The following ZBTB11 variants were observed in gnomAD, a reference collection of about 807,000 sequenced individuals.
ZBTB11 encodes zinc finger and BTB domain-containing protein 11.
A neutral mutation model predicts 113.1 loss-of-function variants in ZBTB11; 68 were observed. The ratio of observed to expected loss-of-function variants is 0.60; its 90% CI spans 0.49 to 0.74. ZBTB11 has a LOEUF of 0.74. ZBTB11 is among the 30% of genes least tolerant of loss of function. ZBTB11 has a pLI of 0.00. For missense variants in ZBTB11, 1,104 were observed against 1,279.4 expected, an observed-to-expected ratio of 0.86 and a Z score of 2.09; for synonymous variants, 518 against 452.6, an observed-to-expected ratio of 1.14 and a Z score of -1.83.
chr3:101,662,654 G>A (rs938297395), intron 5 of ZBTB11, among the ~76,000 whole-genome samples: 2 of 152,024 alleles, frequency 1.3e-5, no homozygotes, highest in African/African-American at 4.8e-5. Context: ...ACAGTACATG[G>A]TTGTTTTGTA....
At chr3:101,657,658 TAATAAAAAGGAACAAAAAAGAGAAA>T (rs1371725219) in intron 6 of ZBTB11, among the ~76,000 whole-genome samples, 75 of 151,682 alleles carry the variant, frequency 4.9e-4, no homozygotes, top group Non-Finnish European at 4.3e-4. Context: ...TCTTCTAAAA[TAATAAAAAGGAACAAAAAAGAGAAA>T]TATAAAAAAC....
intron 5 of ZBTB11, chr3:101,662,144 A>T (rs1340914705): frequency 6.6e-6 from 1 of 152,062 alleles, no homozygotes; most frequent in Non-Finnish European, 1.5e-5. Context: ...GTCAATTGAG[A>T]TAACTAACTT....
At position 101,654,818 on chromosome 3, in the gene ZBTB11, TCTC is replaced by T. The variant is rs1936767459; in HGVS notation, c.2192_2194del (p.Gly731del). The stretch of plus-strand genomic sequence containing the variant: ...ACAAACTGAGCAAAGGTACTTGGAC[TCTC>T]CTATTAGAAAAAATTAAAACCCTGT... On this transcript the variant is annotated inframe_deletion and splice_region_variant, in exon 8 of 11. Coordinates refer to ENST00000312938, the MANE Select transcript of ZBTB11 (RefSeq NM_014415.4). 1 of 1,612,524 alleles carries T rather than the reference TCTC, an allele frequency of 6.2e-7. No individual in the cohort carries two copies. Among genetic ancestry groups the T allele is most frequent in the Non-Finnish European group, 8.5e-7 (1 of 1,179,272 alleles).
At chr3:101,676,355 G>A (rs1298402272) in intron 1 of ZBTB11, 4 of 381,106 alleles carry the variant, frequency 1.0e-5, no homozygotes. Context: ...CCCGCGGCTG[G>A]CCCGGCCTCC....
At chr3:101,651,770 A>G (rs1936707594) in intron 10 of ZBTB11, 87 bp from the exon 11 acceptor site, 2 of 1,345,316 alleles carry the variant, frequency 1.5e-6, no homozygotes, top group Non-Finnish European at 2.0e-6. Context: ...TTTTATTAAA[A>G]AGTACAGTAG....
rs200039938 is a variant in ZBTB11, at chr3:101,652,754, T to G, written c.2468+26A>C. ...CAGAGTACACACGTTATCAATTAAG[T>G]TCAGCTCCTTCTCAAATTTACTCAC... On this transcript the variant is annotated intron_variant, in intron 9 of 10. Coordinates refer to ENST00000312938, the MANE Select transcript of ZBTB11 (RefSeq NM_014415.4). 14 of 1,609,692 alleles carry G rather than the reference T, an allele frequency of 8.7e-6. No individual in the cohort carries two copies. The East Asian group carries it at 2.9e-4, about 33-fold the overall frequency.
At chr3:101,655,461 T>G (rs1397477855) in intron 7 of ZBTB11, among the ~76,000 whole-genome samples, 1 of 152,236 alleles carries the variant, frequency 6.6e-6, no homozygotes, top group South Asian at 2.1e-4. Context: ...AAAATAAGTA[T>G]GTATGGACAA....
At chr3:101,659,181 C>T (rs910583923) in intron 6 of ZBTB11, among the ~76,000 whole-genome samples, 2 of 152,130 alleles carry the variant, frequency 1.3e-5, no homozygotes, top group Non-Finnish European at 2.9e-5. Flanking sequence ...ATGGAGGCTG[C>T]AGTGAGCTGT....
chr3:101,658,269 A>C (rs1936831424), intron 6 of ZBTB11, among the ~76,000 whole-genome samples: 1 of 148,264 alleles, frequency 6.7e-6, no homozygotes, highest in Non-Finnish European at 1.5e-5. Flanking sequence ...TCTGTCGCCC[A>C]GGCTAGAGTG....
Position 101,677,124 on chromosome 3 carries a change from C to T in ZBTB11, c.-210G>A, listed in dbSNP as rs1937193468. 2 of 556,358 alleles carry T rather than the reference C, an allele frequency of 3.6e-6. No individual in the cohort carries two copies. The highest frequency in any genetic ancestry group is 2.0e-5 in the African/African-American group (1 of 51,016). The allele number at this position is 556,358 out of a possible 1,614,324, so 34.5% of individuals were successfully genotyped here. A position where few individuals can be genotyped will look rare whatever the true frequency, so the allele number is the denominator to read the frequency against. On this transcript the variant is annotated 5_prime_UTR_variant, in exon 1 of 11. Coordinates refer to ENST00000312938, the MANE Select transcript of ZBTB11 (RefSeq NM_014415.4). ...GCACTTCTCCAGCGCGCGGGATCCG[C>T]TGGCGACTGACAAAATGGCTGCTGC...
chr3:101,665,738 A>G lies in ZBTB11; in HGVS notation c.849T>C (p.Cys283=), dbSNP rs759570156. 6 of 1,614,022 alleles carry G rather than the reference A, an allele frequency of 3.7e-6. No homozygotes were observed. In the East Asian group the frequency reaches 1.3e-4, roughly 36 times the overall value. The change falls in exon 4 of 11, where the codon TGT becomes TGC. Residue 283 remains cysteine (C), a synonymous_variant. Transcript: ENST00000312938. ...CTAAGATGGCTACATCAGCCATGCT[A>G]CAGAAATCAAAACTTAGTACAGAAG... ...AYTSVLSFDF[C]SMADVAILAR... is the part of the protein sequence containing the mutation.
intron 7 of ZBTB11, 89 bp downstream of exon 7, chr3:101,656,015 C>T: frequency 9.4e-7 from 1 of 1,064,986 alleles, no homozygotes; most frequent in African/African-American, 1.7e-5. Context: ...ACACGACTAT[C>T]AGTTTATCAA....
At chr3:101,656,949 C>T (rs1309785936) in intron 6 of ZBTB11, among the ~76,000 whole-genome samples, 3 of 150,290 alleles carry the variant, frequency 2.0e-5, no homozygotes, top group Non-Finnish European at 1.5e-5. Flanking sequence ...GCCTGGTCAA[C>T]ATGGTGAAAC....
chr3:101,665,187 G>C lies in ZBTB11; in HGVS notation c.1400C>G (p.Ala467Gly). 1 of 1,614,024 alleles carries C rather than the reference G, an allele frequency of 6.2e-7. No individual in the cohort carries two copies. Among genetic ancestry groups the C allele is most frequent in the South Asian group, 1.1e-5 (1 of 91,078 alleles). The change falls in exon 4 of 11, where the codon GCC becomes GGC. Residue 467 changes from alanine to glycine, a missense_variant. Coordinates refer to ENST00000312938, the MANE Select transcript of ZBTB11 (RefSeq NM_014415.4). ...CTGCCTATGTTTTGGAATGTCTTCG[G>C]CACAAATATCCTCAGCTGATATATC... ...GNDISAEDIC[A>G]EDIPKHRQKV...
At position 101,659,770 on chromosome 3, in the gene ZBTB11, G is replaced by T. The variant is rs756116569; in HGVS notation, c.2046+13C>A. On this transcript the variant is annotated intron_variant, in intron 6 of 10. Coordinates refer to ENST00000312938, the MANE Select transcript of ZBTB11 (RefSeq NM_014415.4). ...ATGTTCTTTAAATAGCAAAATAAACGTTATAGCTTTACCTGGCATGCATGT... is the reference window on the plus strand; with the variant it reads ...ATGTTCTTTAAATAGCAAAATAAACTTTATAGCTTTACCTGGCATGCATGT... The T allele has an allele frequency of 1.2e-6, 2 of 1,613,292 alleles. No individual in the cohort carries two copies. The highest frequency in any genetic ancestry group is 1.7e-6 in the Non-Finnish European group (2 of 1,179,384).
chr3:101,674,501 A>G (rs1937131150), intron 1 of ZBTB11, among the ~76,000 whole-genome samples: 1 of 152,050 alleles, frequency 6.6e-6, no homozygotes, highest in African/African-American at 2.4e-5. Context: ...ATCTGAGCTC[A>G]GGAGTTCGAG....
chr3:101,676,422 T>C, intron 1 of ZBTB11, 183 bp downstream of exon 1: 1 of 602,836 alleles, frequency 1.7e-6, no homozygotes, highest in Non-Finnish European at 2.6e-6. Flanking sequence ...TTCGCCGGCC[T>C]CCTTCCTGTG....
chr3:101,669,242 C>T (rs1022702450), intron 3 of ZBTB11, among the ~76,000 whole-genome samples: 46 of 152,274 alleles, frequency 3.0e-4, no homozygotes, highest in African/African-American at 9.9e-4. Context: ...CCATGTTGTC[C>T]GGGATGGTCT....
chr3:101,650,197 G>A lies in ZBTB11; in HGVS notation c.*969C>T, dbSNP rs1387883707. The A allele has an allele frequency of 6.6e-6, 1 of 152,150 alleles. No homozygotes were observed. The highest frequency in any genetic ancestry group is 1.9e-4 in the East Asian group (1 of 5,200). The allele number at this position is 152,150 out of a possible 1,614,324, so 9.4% of individuals were successfully genotyped here. A position where few individuals can be genotyped will look rare whatever the true frequency, so the allele number is the denominator to read the frequency against. On this transcript the variant is annotated 3_prime_UTR_variant, in exon 11 of 11. Transcript: ENST00000312938. Reference sequence around the variant, plus strand: ...ATTACATGGTATCCACAGAGCTGCTGTGAATGTCTATATTGCTATCTGATT... The same window carrying A: ...ATTACATGGTATCCACAGAGCTGCTATGAATGTCTATATTGCTATCTGATT...
Sources: allele counts gnomAD v4.1 joint callset (sites outside exome capture counted in the v4.1 genomes callset), GRCh38; gene constraint gnomAD v4.1.1; transcripts MANE v1.5; gene names NCBI Gene and HGNC (gene_info 2026-07-23, HGNC 2026-07-21).